The following ZC3H18 variants were observed in gnomAD, a reference collection of about 807,000 sequenced individuals.
ZC3H18 encodes the protein zinc finger CCCH-type containing 18, also known as zinc finger CCCH domain-containing protein 18.
In ZC3H18, 8 loss-of-function variants were observed where a neutral mutation model predicts 106.1. That is an observed-to-expected ratio of 0.08 (90% CI 0.04 to 0.14). The LOEUF (loss-of-function observed/expected upper bound fraction) is 0.14. ZC3H18 is among the 10% of genes least tolerant of loss of function. The pLI, the probability that ZC3H18 is intolerant of heterozygous loss-of-function variation, is 1.00. For missense variants in ZC3H18, 1,318 were observed against 1,278.4 expected (o/e 1.03, Z -0.47); for synonymous variants, 635 against 522.1 (o/e 1.22, Z -2.95).
intron 8 of ZC3H18, among the ~76,000 whole-genome samples, chr16:88,612,518 A>T (rs1298388508): frequency 1.3e-5 from 2 of 151,364 alleles, no homozygotes; most frequent in Admixed American, 1.3e-4. Flanking sequence ...AAAAAAAAAA[A>T]AATTAAAAAT....
At chr16:88,620,387 G>A (rs374273020) in intron 8 of ZC3H18, among the ~76,000 whole-genome samples, 1 of 152,070 alleles carries the variant, frequency 6.6e-6, no homozygotes, top group African/African-American at 2.4e-5. Flanking sequence ...CCAGAAATTC[G>A]AGACCAGCCT....
chr16:88,573,553 A>G (rs1256128418), intron 1 of ZC3H18, among the ~76,000 whole-genome samples: 1 of 151,830 alleles, frequency 6.6e-6, no homozygotes, highest in African/African-American at 2.4e-5. Flanking sequence ...TGACTTTCCC[A>G]TTTTCAGCAG....
chr16:88,601,470 G>C (rs372204690), intron 6 of ZC3H18, among the ~76,000 whole-genome samples: 1 of 152,116 alleles, frequency 6.6e-6, no homozygotes, highest in East Asian at 1.9e-4. Context: ...AGCAGGGACC[G>C]GAAAACTGCC....
chr16:88,627,815 G>C lies in ZC3H18; in HGVS notation c.2269+33G>C, dbSNP rs374432509. The C allele has an allele frequency of 1.3e-5, 21 of 1,609,764 alleles. No individual in the cohort carries two copies. Among genetic ancestry groups the C allele is most frequent in the South Asian group, 5.5e-5 (5 of 91,006 alleles). ...GGAGCCCTGGTACCTTTGGGGAGCA[G>C]CTCCCGGGGGAGGAGGGCGGCATCA... On this transcript the variant is annotated intron_variant, in intron 14 of 17. Transcript: ENST00000301011. The surrounding 1 kb of genome is among the most constrained non-coding windows in gnomAD (Gnocchi z 4.5).
intron 1 of ZC3H18, among the ~76,000 whole-genome samples, 168 bp downstream of exon 1, chr16:88,570,734 C>G (rs1321831234): frequency 6.6e-6 from 1 of 151,562 alleles, no homozygotes; most frequent in Non-Finnish European, 1.5e-5. Context: ...GGGAAGGGGA[C>G]CTTGAGACAG....
At position 88,585,015 on chromosome 16, in the gene ZC3H18, C is replaced by T. The variant is rs185954565; in HGVS notation, c.604-1585C>T. Among the ~76,000 whole-genome samples the T allele has an allele frequency of 3.4e-3, 516 of 152,270 alleles. 1 individual carries two copies. The highest frequency in any genetic ancestry group is 6.3e-3 in the Non-Finnish European group (428 of 68,018). ...TTAGATTTGAGCTTACATAGAATACCACGTTGAGATTTTAGTGTGGTGCTC... is the reference window on the plus strand; with the variant it reads ...TTAGATTTGAGCTTACATAGAATACTACGTTGAGATTTTAGTGTGGTGCTC... On this transcript the variant is annotated intron_variant, in intron 2 of 17. Transcript: ENST00000301011.
intron 1 of ZC3H18, among the ~76,000 whole-genome samples, chr16:88,575,005 A>G (rs1914656254): frequency 2.0e-5 from 3 of 150,316 alleles, no homozygotes; most frequent in South Asian, 2.1e-4. Flanking sequence ...AATTTTTTGT[A>G]TATTTAGTAG....
Position 88,624,238 on chromosome 16 carries a change from C to T in ZC3H18, c.1898+176C>T, listed in dbSNP as rs561168427. 554 of 853,692 alleles carry T rather than the reference C, an allele frequency of 6.5e-4. 1 individual carries two copies. Among genetic ancestry groups the T allele is most frequent in the African/African-American group, 9.7e-4 (57 of 58,842 alleles). 52.9% of individuals were successfully genotyped at this position (853,692 alleles called of 1,614,324 possible). A position where few individuals can be genotyped will look rare whatever the true frequency, so the allele number is the denominator to read the frequency against. On this transcript the variant is annotated intron_variant, in intron 11 of 17. Coordinates refer to ENST00000301011, the MANE Select transcript of ZC3H18 (RefSeq NM_144604.4). ...GCACTGGGCACAGCTCCTGTTCTCA[C>T]GGGCCACCCTTACACAGCAGCACTC...
At chr16:88,626,666 A>C (rs1230400177) in intron 13 of ZC3H18, 3 of 151,768 alleles carry the variant, frequency 2.0e-5, no homozygotes, top group African/African-American at 7.3e-5. Context: ...ATGTTTCTTA[A>C]TAAGTCTGAA....
At chr16:88,625,070 C>T in intron 12 of ZC3H18, 132 bp from the exon 13 acceptor site, 3 of 1,085,068 alleles carry the variant, frequency 2.8e-6, no homozygotes, top group East Asian at 2.6e-5. Context: ...GGAAGACAGG[C>T]CCAGGCCCTG....
At chr16:88,570,867 C>G (rs1223557101) in intron 1 of ZC3H18, among the ~76,000 whole-genome samples, 1 of 152,258 alleles carries the variant, frequency 6.6e-6, no homozygotes, top group South Asian at 2.1e-4. Flanking sequence ...GCTGTCATTT[C>G]TCTTCCGGGC....
In ZC3H18 at chr16:88,608,913, T is replaced by C. The variant is rs1295371368; in HGVS notation, c.1089-21T>C. On this transcript the variant is annotated intron_variant, in intron 6 of 17. Coordinates refer to ENST00000301011, the MANE Select transcript of ZC3H18 (RefSeq NM_144604.4). ...CAGTGCTCCTAAGTGATGAGAGTTCTTTTTCATTGGCCCTTTTCAGACTCG... is the reference window on the plus strand; with the variant it reads ...CAGTGCTCCTAAGTGATGAGAGTTCCTTTTCATTGGCCCTTTTCAGACTCG... The C allele has an allele frequency of 1.9e-6, 3 of 1,597,226 alleles. No homozygotes were observed. The South Asian group carries it at 3.4e-5, about 18-fold the overall frequency.
intron 8 of ZC3H18, among the ~76,000 whole-genome samples, chr16:88,618,401 C>T (rs1012034573): frequency 3.9e-5 from 6 of 152,202 alleles, no homozygotes; most frequent in Non-Finnish European, 7.3e-5. Flanking sequence ...GGCCCATAGG[C>T]TCCCATCTCC....
chr16:88,594,133 C>A (rs1904320115), intron 3 of ZC3H18, among the ~76,000 whole-genome samples: 1 of 152,114 alleles, frequency 6.6e-6, no homozygotes, highest in Non-Finnish European at 1.5e-5. Context: ...GCCACAGCGG[C>A]CCTTCATGGT....
At chr16:88,608,878 C>A in intron 6 of ZC3H18, 56 bp from the exon 7 acceptor site, 1 of 1,441,154 alleles carries the variant, frequency 6.9e-7, no homozygotes, top group Non-Finnish European at 9.7e-7. Flanking sequence ...TTCGTGTGGT[C>A]TTTTTACGCC....
chr16:88,615,938 G>A lies in ZC3H18; in HGVS notation c.1475+4402G>A, dbSNP rs1372292252. On this transcript the variant is annotated intron_variant, in intron 8 of 17. Coordinates refer to ENST00000301011, the MANE Select transcript of ZC3H18 (RefSeq NM_144604.4). The stretch of plus-strand genomic sequence containing the variant: ...GAGGGCCGCCATGCCTAAGGTTGCT[G>A]TGTTCCTCTGCTGTGGCCCGCACTT... Among the ~76,000 whole-genome samples the A allele has an allele frequency of 3.3e-5, 5 of 152,256 alleles. No homozygotes were observed. The East Asian group carries it at 9.6e-4, about 29-fold the overall frequency.
intron 6 of ZC3H18, among the ~76,000 whole-genome samples, chr16:88,607,390 A>T (rs1248833270): frequency 2.0e-5 from 3 of 152,094 alleles, no homozygotes; most frequent in South Asian, 2.1e-4. Flanking sequence ...CTTGGGTGTC[A>T]GCTTGTCTGG....
At chr16:88,581,400 CGGGACATCAATTT>C (rs1450510135) in intron 2 of ZC3H18, among the ~76,000 whole-genome samples, 1 of 152,204 alleles carries the variant, frequency 6.6e-6, no homozygotes, top group African/African-American at 2.4e-5. Flanking sequence ...TTTCCTTGAT[CGGGACATCAATTT>C]GTACAATAAG....
Position 88,628,006 on chromosome 16 carries a change from G to C in ZC3H18, c.2356G>C (p.Ala786Pro), listed in dbSNP as rs954364829. The C allele has an allele frequency of 3.1e-6, 5 of 1,614,166 alleles. No homozygotes were observed. In the Admixed American group the frequency reaches 8.3e-5, roughly 27 times the overall value. The part of the protein sequence containing the change: ...TQPPKSAKPP[A>P]GGKSSQQPST... ...ACCACCCAAATCTGCAAAACCTCCA[G>C]CAGGGGGGAAGTCCTCCCAGCAGCC... Residue 786 changes from alanine to proline, a missense_variant, in exon 15 of 18, where the codon GCA (alanine) becomes CCA (proline). This residue lies in a region of ZC3H18 where 848 missense variants were observed against 821.7 expected (regional missense o/e 1.03). Transcript: ENST00000301011.
Sources: gnomAD v4.1 joint callset for allele counts (sites outside exome capture counted in the v4.1 genomes callset) on GRCh38, gnomAD v4.1.1 for gene constraint, gnomAD v4.1.1 regional missense constraint, Gnocchi (gnomAD v3.1) non-coding constraint, MANE v1.5 for transcripts, NCBI Gene and HGNC (gene_info 2026-07-23, HGNC 2026-07-21) for gene names.